Variants in HECTD4 observed in about 807,000 individuals in gnomAD.
The protein encoded by HECTD4 is HECT domain E3 ubiquitin protein ligase 4.
HECTD4 carries 114 observed loss-of-function variants against 471.5 expected under a neutral mutation model. The ratio of observed to expected loss-of-function variants is 0.24; its 90% CI spans 0.21 to 0.28. The LOEUF (loss-of-function observed/expected upper bound fraction) is 0.28. HECTD4 is among the 10% of genes least tolerant of loss of function. HECTD4 has a pLI of 1.00. For synonymous variants in HECTD4, 2,012 were observed against 2,256.0 expected (o/e 0.89, Z 3.07); for missense variants, 3,866 against 5,651.5 (o/e 0.68, Z 10.13).
intron 8 of HECTD4, among the ~76,000 whole-genome samples, chr12:112,281,963 T>C (rs1481748111): frequency 6.6e-6 from 1 of 152,208 alleles, no homozygotes; most frequent in African/African-American, 2.4e-5. Flanking sequence ...TTGGGGGTCA[T>C]AGATGACTCT....
intron 1 of HECTD4, among the ~76,000 whole-genome samples, chr12:112,334,703 G>A (rs1194950257): frequency 3.4e-5 from 5 of 148,790 alleles, no homozygotes; most frequent in East Asian, 2.0e-4. Flanking sequence ...CCAGCTACTC[G>A]AGAGGCTGAG....
intron 29 of HECTD4, among the ~76,000 whole-genome samples, chr12:112,245,870 G>A (rs767472725): frequency 1.3e-5 from 2 of 152,092 alleles, no homozygotes; most frequent in Non-Finnish European, 2.9e-5. Context: ...GGTGGCTCAC[G>A]CCTGTAATCC....
chr12:112,176,411 A>G (rs1447497132), intron 65 of HECTD4, among the ~76,000 whole-genome samples, 185 bp downstream of exon 65: 1 of 152,202 alleles, frequency 6.6e-6, no homozygotes, highest in Non-Finnish European at 1.5e-5. Flanking sequence ...CTGGCCAGGA[A>G]TATTTCCCAG....
chr12:112,182,809 C>T (rs2031725909), intron 62 of HECTD4, among the ~76,000 whole-genome samples: 2 of 152,268 alleles, frequency 1.3e-5, no homozygotes, highest in Admixed American at 6.5e-5. Flanking sequence ...TTTCTTTTCA[C>T]ATCATACAAA....
chr12:112,292,165 C>T (rs2034901776), intron 7 of HECTD4, among the ~76,000 whole-genome samples: 1 of 152,172 alleles, frequency 6.6e-6, no homozygotes, highest in South Asian at 2.1e-4. Flanking sequence ...TACTCACTCT[C>T]ATCACTCCAC....
intron 48 of HECTD4, among the ~76,000 whole-genome samples, chr12:112,214,671 A>T (rs951891654): frequency 6.6e-6 from 1 of 152,210 alleles, no homozygotes; most frequent in African/African-American, 2.4e-5. Flanking sequence ...CAACAAGGAA[A>T]TAAAAACACT....
At chr12:112,168,203 C>A (rs1174472418) in intron 70 of HECTD4, among the ~76,000 whole-genome samples, 2 of 152,158 alleles carry the variant, frequency 1.3e-5, no homozygotes, top group South Asian at 4.1e-4. Flanking sequence ...GAAGGCCATT[C>A]GAAGATTCAG....
intron 48 of HECTD4, among the ~76,000 whole-genome samples, chr12:112,215,409 G>A (rs993918852): frequency 6.6e-6 from 1 of 152,052 alleles, no homozygotes; most frequent in African/African-American, 2.4e-5. Flanking sequence ...CAACATATTC[G>A]GCTGCTTCGA....
rs553774845 is a variant in HECTD4, at chr12:112,239,585, T to C, written c.5105+296A>G. On this transcript the variant is annotated intron_variant, in intron 33 of 75. Coordinates refer to ENST00000682272, the MANE Select transcript of HECTD4 (RefSeq NM_001388303.1). The surrounding 1 kb of genome is among the most constrained non-coding windows in gnomAD (Gnocchi z 4.9). ...ACCCAAGAGAGGAAATAAATGTATA[T>C]ATGCAAAATATTTCTGCCAAATATG... 3.9e-5 allele frequency among the ~76,000 whole-genome samples: 6 copies of C among 152,362 alleles called. No individual in the cohort carries two copies. The East Asian group carries it at 5.8e-4, about 15-fold the overall frequency.
chr12:112,208,471 A>G, intron 51 of HECTD4, 23 bp downstream of exon 51: 1 of 1,560,996 alleles, frequency 6.4e-7, no homozygotes, highest in Non-Finnish European at 8.6e-7. Context: ...CTGAGTCCTG[A>G]TCTAAGCCTG....
At chr12:112,217,318 T>TACACACAC (rs201184790) in intron 45 of HECTD4, 123 bp from the exon 46 acceptor site, 32 of 470,746 alleles carry the variant, frequency 6.8e-5, no homozygotes, top group Admixed American at 2.4e-4. Flanking sequence ...CACACACACA[T>TACACACAC]ACACACACAC....
At chr12:112,249,685 T>C (rs1393682958) in intron 25 of HECTD4, 9 of 167,540 alleles carry the variant, frequency 5.4e-5, no homozygotes, top group Middle Eastern at 3.0e-3. Flanking sequence ...TGTATGTACA[T>C]TCTACATTAG....
At position 112,184,148 on chromosome 12, in the gene HECTD4, G is replaced by A; in HGVS notation, c.10779+39C>T. 2 of 1,521,334 alleles carry A rather than the reference G, an allele frequency of 1.3e-6. No individual in the cohort carries two copies. Among genetic ancestry groups the A allele is most frequent in the Non-Finnish European group, 9.0e-7 (1 of 1,112,318 alleles). 94.2% of individuals were successfully genotyped at this position (1,521,334 alleles called of 1,614,324 possible). On this transcript the variant is annotated intron_variant, in intron 61 of 75. Coordinates refer to ENST00000682272, the MANE Select transcript of HECTD4 (RefSeq NM_001388303.1). This position sits in a 1 kb window ranked among gnomAD's most constrained non-coding sequence, Gnocchi z 9.1. ...AAAGAGGCTTGGGGGATTGAAATGG[G>A]TCATGATTTAGTGGTTGCAGAGGCT...
intron 1 of HECTD4, among the ~76,000 whole-genome samples, chr12:112,353,902 C>T (rs183907502): frequency 6.7e-4 from 102 of 152,104 alleles, no homozygotes; most frequent in Middle Eastern, 3.4e-3. Flanking sequence ...AATATGTGCT[C>T]GACAGGATTA....
chr12:112,349,774 G>T (rs755587420), intron 1 of HECTD4, among the ~76,000 whole-genome samples: 1 of 152,162 alleles, frequency 6.6e-6, no homozygotes, highest in African/African-American at 2.4e-5. Flanking sequence ...GGGTGAACAG[G>T]TGTAGGAGGA....
At chr12:112,215,660 G>A (rs1457824846) in intron 48 of HECTD4, among the ~76,000 whole-genome samples, 6 of 152,124 alleles carry the variant, frequency 3.9e-5, no homozygotes, top group Admixed American at 3.9e-4. Context: ...TGTTTTTTGA[G>A]ATAGGGTCTC....
rs768474378 is a variant in HECTD4, at chr12:112,183,217, T to C, written c.10829A>G (p.Asn3610Ser). 1.2e-6 allele frequency: 2 copies of C among 1,613,880 alleles called. No individual in the cohort carries two copies. Among genetic ancestry groups the C allele is most frequent in the Non-Finnish European group, 8.5e-7 (1 of 1,179,902 alleles). Residue 3610 changes from asparagine to serine, a missense_variant, in exon 62 of 76, where the codon AAT becomes AGT. Physicochemically the swap from Asn to Ser is conservative, Grantham distance 46. Coordinates refer to ENST00000682272, the MANE Select transcript of HECTD4 (RefSeq NM_001388303.1). ...IEKIRASLFN[N>S]NDLIGLSSLD... ...ACTTGACAAACCAATCAAGTCATTATTGTTAAATAAACTTGCTCGAATTTT... is the reference window on the plus strand; with the variant it reads ...ACTTGACAAACCAATCAAGTCATTACTGTTAAATAAACTTGCTCGAATTTT...
intron 1 of HECTD4, among the ~76,000 whole-genome samples, chr12:112,359,629 G>C (rs2036413996): frequency 1.3e-5 from 2 of 152,114 alleles, no homozygotes; most frequent in Admixed American, 6.6e-5. Flanking sequence ...ATTTTGGCCA[G>C]GCTGGTCTTC....
At chr12:112,201,796 TTAA>T in intron 54 of HECTD4, among the ~76,000 whole-genome samples, 1 of 152,304 alleles carries the variant, frequency 6.6e-6, no homozygotes. Flanking sequence ...TGTTTTTATG[TTAA>T]TAATATCTTA....
Sources: allele counts gnomAD v4.1 joint callset (sites outside exome capture counted in the v4.1 genomes callset), GRCh38; gene constraint gnomAD v4.1.1; non-coding constraint Gnocchi (gnomAD v3.1); transcripts MANE v1.5; gene names NCBI Gene and HGNC (gene_info 2026-07-23, HGNC 2026-07-21).